The following CPAMD8 variants were observed in gnomAD, a reference collection of about 807,000 sequenced individuals.
CPAMD8 encodes the protein C3 and PZP like alpha-2-macroglobulin domain containing 8, also known as C3 and PZP-like alpha-2-macroglobulin domain-containing protein 8.
Under a neutral mutation model 224.7 loss-of-function variants are expected in CPAMD8, and 146 were observed. The ratio of observed to expected loss-of-function variants is 0.65; its 90% CI spans 0.57 to 0.75. The LOEUF (loss-of-function observed/expected upper bound fraction) is 0.75. Ranked by LOEUF, CPAMD8 falls within the 30% of genes least tolerant of loss-of-function variation. The pLI is 0.00. For synonymous variants in CPAMD8, 966 were observed against 1,044.6 expected (o/e 0.92, Z 1.45); for missense variants, 2,301 against 2,537.5 (o/e 0.91, Z 2.00).
intron 1 of CPAMD8, among the ~76,000 whole-genome samples, chr19:17,023,846 T>C (rs900879237): frequency 1.3e-5 from 2 of 152,148 alleles, no homozygotes; most frequent in African/African-American, 4.8e-5. Context: ...CCTCCCAAAG[T>C]GCTGGGATTA....
In CPAMD8 at chr19:17,026,742, G is replaced by A; in HGVS notation, c.-100C>T. 2.5e-6 allele frequency: 3 copies of A among 1,208,568 alleles called. No individual in the cohort carries two copies. Among genetic ancestry groups the A allele is most frequent in the Non-Finnish European group, 3.1e-6 (3 of 973,848 alleles). 74.9% of individuals were successfully genotyped at this position (1,208,568 alleles called of 1,614,324 possible). On this transcript the variant is annotated 5_prime_UTR_variant, in exon 1 of 42. Transcript: ENST00000443236. ...CGGCCGTCCTCGCGCCGCCGCCGGG[G>A]GCCCTTTGTTCGCAGCCCCCGCGCA...
chr19:17,022,846 C>G (rs970248157), intron 1 of CPAMD8, among the ~76,000 whole-genome samples: 2 of 152,050 alleles, frequency 1.3e-5, no homozygotes, highest in African/African-American at 4.8e-5. Flanking sequence ...GTCTGAAATA[C>G]TCTCCTCCAC....
chr19:16,923,400 T>G (rs2053246408), intron 26 of CPAMD8, among the ~76,000 whole-genome samples: 1 of 151,806 alleles, frequency 6.6e-6, no homozygotes, highest in Admixed American at 6.6e-5. Context: ...ACACAGCCTG[T>G]GAGGGAAAGA....
rs1332637434 is a variant in CPAMD8 at position 17,026,801 on chromosome 19, C to A, written c.-159G>T. On this transcript the variant is annotated 5_prime_UTR_variant, in exon 1 of 42. Transcript: ENST00000443236. ...GGCGCCATGCGCCCCGCTCCGCGCC[C>A]GGCCAAGCTGGGGCAGCCCCGGGCC... 2 of 1,084,856 alleles carry A rather than the reference C, an allele frequency of 1.8e-6. No homozygotes were observed. Among genetic ancestry groups the A allele is most frequent in the Non-Finnish European group, 2.2e-6 (2 of 895,718 alleles). The allele number at this position is 1,084,856 out of a possible 1,614,324, so 67.2% of individuals were successfully genotyped here. A position where few individuals can be genotyped will look rare whatever the true frequency, so the allele number is the denominator to read the frequency against.
chr19:17,024,298 C>T (rs2057026139), intron 1 of CPAMD8, among the ~76,000 whole-genome samples: 1 of 152,076 alleles, frequency 6.6e-6, no homozygotes. Flanking sequence ...GAGTTCAGTC[C>T]CCTGGGATCA....
chr19:16,928,987 A>G lies in CPAMD8; in HGVS notation c.3099T>C (p.Asp1033=), dbSNP rs1028262618. 6.2e-7 allele frequency: 1 copy of G among 1,613,822 alleles called. No individual in the cohort carries two copies. Among genetic ancestry groups the G allele is most frequent in the Admixed American group, 1.7e-5 (1 of 59,994 alleles). ...SAHTAKILSW[D]EFRTFWISWR... The stretch of plus-strand genomic sequence containing the variant: ...AGCTGATCCAGAATGTTCTGAATTC[A>G]TCCCAGGAGAGGATCTTGGCCGTGT... The change falls in exon 24 of 42, where the codon GAT becomes GAC. Residue 1033 remains aspartate (D), a synonymous_variant. Transcript: ENST00000443236.
rs774572693 is a variant in CPAMD8, at chr19:17,008,557, G to A, written c.507C>T (p.Asp169=). The part of the protein sequence containing the change: ...VNEKLEAYIL[D]PRGSRMIEWR... ...ACTCTATCATCCGAGAGCCTCGGGG[G>A]TCCTGTTGGTGGTGGAGGGGGACAG... The change falls in exon 7 of 42, where the codon GAC becomes GAT. Residue 169 remains aspartate (D), a splice_region_variant and synonymous_variant. Coordinates refer to ENST00000443236, the MANE Select transcript of CPAMD8 (RefSeq NM_015692.5). 1 of 1,614,080 alleles carries A rather than the reference G, an allele frequency of 6.2e-7. No individual in the cohort carries two copies. Among genetic ancestry groups the A allele is most frequent in the Admixed American group, 1.7e-5 (1 of 60,024 alleles).
At position 16,928,117 on chromosome 19, in the gene CPAMD8, G is replaced by A. The variant is rs771536268; in HGVS notation, c.3262C>T (p.Arg1088Ter). 5.1e-5 allele frequency: 82 copies of A among 1,613,926 alleles called. No individual in the cohort carries two copies. The highest frequency in any genetic ancestry group is 1.1e-4 in the East Asian group (5 of 44,900). Residue 1088 changes from arginine to a stop codon, truncating the protein, a stop_gained, in exon 25 of 42, where the codon CGA becomes TGA. Transcript: ENST00000443236. LOFTEE classifies it high-confidence loss of function. ...TCCACCTCCATCTTCCTCCAGATTC[G>A]GAATTCACCCATGGAGCCCCAGCCG... ...STGWGSMGEF[R>*]IWRKMEVDES...
chr19:16,975,040 T>C (rs1453123191), intron 17 of CPAMD8, 57 bp downstream of exon 17: 3 of 1,560,464 alleles, frequency 1.9e-6, no homozygotes, highest in Non-Finnish European at 2.6e-6. Flanking sequence ...AGACTCTTAT[T>C]TCTAGGCAAG....
chr19:17,000,516 G>C lies in CPAMD8; in HGVS notation c.765C>G (p.Thr255=). ...AGGCACCAGCCACAGGTTTCCCAAAGGTATACCTGGAACAAAAGGATAAAG... is the reference window on the plus strand; with the variant it reads ...AGGCACCAGCCACAGGTTTCCCAAACGTATACCTGGAACAAAAGGATAAAG... ...CETGTVRARY[T]FGKPVAGALM... Residue 255 remains threonine, a synonymous_variant, in exon 10 of 42, where the codon ACC becomes ACG. Transcript: ENST00000443236. 1 of 1,268,630 alleles carries C rather than the reference G, an allele frequency of 7.9e-7. No homozygotes were observed. The highest frequency in any genetic ancestry group is 1.2e-6 in the Non-Finnish European group (1 of 863,032). 78.6% of individuals were successfully genotyped at this position (1,268,630 alleles called of 1,614,324 possible).
intron 26 of CPAMD8, among the ~76,000 whole-genome samples, chr19:16,923,353 G>T (rs1202608283): frequency 6.6e-6 from 1 of 152,184 alleles, no homozygotes; most frequent in Non-Finnish European, 1.5e-5. Flanking sequence ...CAGAGGTGGG[G>T]AGCCTTCCTG....
intron 21 of CPAMD8, 110 bp from the exon 22 acceptor site, chr19:16,945,789 G>C: frequency 1.1e-6 from 1 of 940,826 alleles, no homozygotes; most frequent in Middle Eastern, 2.2e-4. Flanking sequence ...GTGTGTGTGT[G>C]TGCATGTGTG....
At chr19:16,919,301 C>A (rs923846373) in intron 27 of CPAMD8, among the ~76,000 whole-genome samples, 3 of 152,218 alleles carry the variant, frequency 2.0e-5, no homozygotes, top group African/African-American at 7.2e-5. Context: ...ATCCTTCCCG[C>A]TTTCTCTCTT....
In CPAMD8 at chr19:16,921,972, G is replaced by T; in HGVS notation, c.3562C>A (p.Leu1188Met). 6.5e-7 allele frequency: 1 copy of T among 1,547,956 alleles called. No individual in the cohort carries two copies. ...GAGCCATCCTGGCGCTTGTAGGTCA[G>T]CTGGCGCTGGTAGCCTGTGGGGCAA... ...DYLVQGYQRQ[L>M]TYKRQDGSYS... The change falls in exon 27 of 42, where the codon CTG (leucine) becomes ATG (methionine). Residue 1188 changes from leucine to methionine, a missense_variant. Physicochemically the swap from Leu to Met is conservative, Grantham distance 15 (BLOSUM62 2). This residue lies in a region of CPAMD8 where 1,709 missense variants were observed against 1,753.2 expected (regional missense o/e 0.97). Coordinates refer to ENST00000443236, the MANE Select transcript of CPAMD8 (RefSeq NM_015692.5).
chr19:16,980,836 TTTTTG>T (rs1230251758), intron 13 of CPAMD8, 150 bp from the exon 14 acceptor site: 3 of 522,958 alleles, frequency 5.7e-6, no homozygotes, highest in Non-Finnish European at 9.7e-6. Flanking sequence ...GCTTTTTTGT[TTTTTG>T]TTTTCTTTTT....
chr19:17,025,091 G>A (rs2057043489), intron 1 of CPAMD8, among the ~76,000 whole-genome samples: 2 of 152,166 alleles, frequency 1.3e-5, no homozygotes, highest in African/African-American at 4.8e-5. Context: ...TTTAGTCAGA[G>A]GAAAACGCCC....
chr19:16,907,444 C>T (rs71336800), intron 29 of CPAMD8: 2,258 of 163,290 alleles, frequency 0.014, 30 homozygotes, highest in Middle Eastern at 0.044. Context: ...CCCATCTCTA[C>T]TAAAAATACA....
chr19:16,912,469 C>T (rs1257795960), intron 29 of CPAMD8, among the ~76,000 whole-genome samples: 2 of 152,162 alleles, frequency 1.3e-5, no homozygotes, highest in African/African-American at 4.8e-5. Context: ...TAAGGGAGGG[C>T]CAGGCATGGT....
At chr19:16,961,160 G>A (rs2054639887) in intron 18 of CPAMD8, among the ~76,000 whole-genome samples, 1 of 152,214 alleles carries the variant, frequency 6.6e-6, no homozygotes, top group African/African-American at 2.4e-5. Context: ...CATTGGGACT[G>A]GTTGGACAGT....
Sources: allele counts gnomAD v4.1 joint callset (sites outside exome capture counted in the v4.1 genomes callset), GRCh38; gene constraint gnomAD v4.1.1; regional missense constraint gnomAD v4.1.1; transcripts MANE v1.5; gene names NCBI Gene and HGNC (gene_info 2026-07-23, HGNC 2026-07-21).